LMO7: variants seen among roughly 807,000 people sequenced by gnomAD.
LMO7 encodes LIM domain 7, also known as LIM domain only protein 7.
LMO7 carries 120 observed loss-of-function variants against 206.5 expected under a neutral mutation model. The ratio of observed to expected loss-of-function variants is 0.58; its 90% CI spans 0.50 to 0.68. The LOEUF (loss-of-function observed/expected upper bound fraction) is 0.68. LMO7 is among the 30% of genes least tolerant of loss of function. The probability of loss-of-function intolerance (pLI) is 0.00; values close to 1 mark genes in which losing one functional copy is unlikely to be tolerated. For missense variants in LMO7, 1,959 were observed against 1,957.9 expected (o/e 1.00, Z -0.01); for synonymous variants, 706 against 681.5 (o/e 1.04, Z -0.56).
At chr13:75,626,595 A>ATATATATATATATTTTTTTTT in intron 2 of LMO7, among the ~76,000 whole-genome samples, 2 of 71,096 alleles carry the variant, frequency 2.8e-5, no homozygotes, top group African/African-American at 3.6e-5. Flanking sequence ...ATATATATAA[A>ATATATATATATATTTTTTTTT]TTTTTTTGAG....
chr13:75,804,794 C>T (rs954440710), intron 8 of LMO7: 17 of 1,128,396 alleles, frequency 1.5e-5, no homozygotes, highest in Non-Finnish European at 1.9e-5. Context: ...TATTTTTCAG[C>T]TTACCAGATA....
intron 3 of LMO7, among the ~76,000 whole-genome samples, chr13:75,748,841 G>A (rs689418): frequency 0.43 from 63,292 of 148,222 alleles, 14,838 homozygotes; most frequent in East Asian, 0.63. Context: ...GACAGGGTCT[G>A]GTTCTTTCAC....
In LMO7 at chr13:75,834,373, G is replaced by A. The variant is rs747794496; in HGVS notation, c.3212G>A (p.Arg1071His). ...ETGHLVMDVR[R>H]YGKAGSPETK... ...GGACACCTAGTGATGGATGTGAGGC[G>A]CTATGGAAAGGCTGGTGAGTTTGTG... The change falls in exon 17 of 31, where the codon CGC (arginine) becomes CAC (histidine). Residue 1071 changes from arginine to histidine, a missense_variant. Transcript: ENST00000377534. 33 of 1,596,340 alleles carry A rather than the reference G, an allele frequency of 2.1e-5. 1 individual carries two copies. Among genetic ancestry groups the A allele is most frequent in the Admixed American group, 7.0e-5 (4 of 57,520 alleles).
At chr13:75,730,442 G>A (rs1318620657) in intron 3 of LMO7, among the ~76,000 whole-genome samples, 3 of 152,114 alleles carry the variant, frequency 2.0e-5, no homozygotes, top group Non-Finnish European at 4.4e-5. Flanking sequence ...TTCTCTGATG[G>A]TAGTTTGTAT....
chr13:75,789,939 G>A (rs1485414315), intron 4 of LMO7, among the ~76,000 whole-genome samples: 1 of 152,100 alleles, frequency 6.6e-6, no homozygotes, highest in Non-Finnish European at 1.5e-5. Flanking sequence ...AAATTTAAGG[G>A]TATTTGGCCA....
intron 1 of LMO7, among the ~76,000 whole-genome samples, chr13:75,640,263 T>G (rs2036402435): frequency 3.8e-5 from 2 of 52,748 alleles, no homozygotes; most frequent in Middle Eastern, 7.9e-3. Flanking sequence ...TGGCCTGGGC[T>G]CTGCTATTTA....
At chr13:75,623,180 T>C in intron 1 of LMO7, 1 of 679,192 alleles carries the variant, frequency 1.5e-6, no homozygotes, top group East Asian at 2.7e-5. Flanking sequence ...CAGTAAAATA[T>C]TTGTTGTTGC....
intron 2 of LMO7, among the ~76,000 whole-genome samples, chr13:75,713,636 C>G (rs879017896): frequency 1.3e-5 from 2 of 152,138 alleles, no homozygotes; most frequent in Admixed American, 1.3e-4. Context: ...AAAATCTTTG[C>G]TTCATCAATA....
chr13:75,839,727 CTTT>C (rs35308084), intron 20 of LMO7: 492 of 145,530 alleles, frequency 3.4e-3, no homozygotes, highest in Middle Eastern at 0.017. Flanking sequence ...ATTTGAAATT[CTTT>C]TTTTTTTTTT....
chr13:75,753,328 A>G (rs1279242895), intron 3 of LMO7, among the ~76,000 whole-genome samples: 3 of 152,136 alleles, frequency 2.0e-5, no homozygotes, highest in Non-Finnish European at 4.4e-5. Context: ...GGATGTATAT[A>G]GTTTGCAAAT....
chr13:75,805,042 T>C (rs1262950980), intron 8 of LMO7: 1 of 1,002,370 alleles, frequency 1.0e-6, no homozygotes, highest in African/African-American at 1.7e-5. Flanking sequence ...AGATTCCAAG[T>C]GAAAAAGAGG....
intron 9 of LMO7, 89 bp from the exon 10 acceptor site, chr13:75,807,391 C>A: frequency 7.2e-7 from 1 of 1,385,316 alleles, no homozygotes; most frequent in Non-Finnish European, 9.7e-7. Context: ...AGTTGGTCTG[C>A]TAATCACCTT....
chr13:75,845,339 A>G lies in LMO7; in HGVS notation c.4110A>G (p.Arg1370=). 1.3e-6 allele frequency: 2 copies of G among 1,562,004 alleles called. No homozygotes were observed. Among genetic ancestry groups the G allele is most frequent in the East Asian group, 2.3e-5 (1 of 44,296 alleles). ...TTCTGTGTTTTAGGAATAAATCCAG[A>G]TCTACTACTGAACTGGATGATTACT... ...GFLPGDRNKS[R]STTELDDYST... Residue 1370 remains arginine (R), a synonymous_variant, in exon 26 of 31, where the codon AGA becomes AGG. Transcript: ENST00000377534.
chr13:75,802,249 G>A (rs975652740), intron 7 of LMO7, among the ~76,000 whole-genome samples: 4 of 152,238 alleles, frequency 2.6e-5, no homozygotes, highest in Admixed American at 6.5e-5. Flanking sequence ...AATGTGAAAC[G>A]CTATTTCAGC....
At chr13:75,766,371 G>A (rs1170441078) in intron 4 of LMO7, among the ~76,000 whole-genome samples, 2 of 151,636 alleles carry the variant, frequency 1.3e-5, no homozygotes, top group African/African-American at 4.8e-5. Context: ...TTGGGGGTAT[G>A]TATGCTTAAA....
intron 1 of LMO7, among the ~76,000 whole-genome samples, chr13:75,697,188 A>AG (rs2041968644): frequency 6.6e-6 from 1 of 152,178 alleles, no homozygotes; most frequent in African/African-American, 2.4e-5. Context: ...GACTTCCTGA[A>AG]GGCACGTTCT....
chr13:75,790,439 T>A (rs2053109081), intron 4 of LMO7, among the ~76,000 whole-genome samples: 1 of 152,110 alleles, frequency 6.6e-6, no homozygotes, highest in South Asian at 2.1e-4. Context: ...GGAGCCAGAA[T>A]TTACACACTG....
intron 2 of LMO7, among the ~76,000 whole-genome samples, chr13:75,719,323 G>C (rs1309797942): frequency 6.6e-6 from 1 of 152,052 alleles, no homozygotes; most frequent in Non-Finnish European, 1.5e-5. Flanking sequence ...ACTGTCTGGA[G>C]GTTCCACAGT....
intron 3 of LMO7, among the ~76,000 whole-genome samples, chr13:75,731,509 G>A (rs2045217790): frequency 6.6e-6 from 1 of 151,550 alleles, no homozygotes; most frequent in African/African-American, 2.4e-5. Context: ...CTTTTATTTT[G>A]AGCCTATGTG....
Sources: allele counts gnomAD v4.1 joint callset (sites outside exome capture counted in the v4.1 genomes callset), GRCh38; gene constraint gnomAD v4.1.1; transcripts MANE v1.5; gene names NCBI Gene and HGNC (gene_info 2026-07-23, HGNC 2026-07-21).